PALLD: variants seen among roughly 807,000 people sequenced by gnomAD.
The protein encoded by PALLD is palladin, cytoskeletal associated protein, also known as palladin.
Under a neutral mutation model 123.5 loss-of-function variants are expected in PALLD, and 61 were observed. That is an observed-to-expected ratio of 0.49 (90% CI 0.40 to 0.61). PALLD has a LOEUF of 0.61. Ranked by LOEUF, PALLD falls within the 20% of genes least tolerant of loss-of-function variation. The pLI, the probability that PALLD is intolerant of heterozygous loss-of-function variation, is 0.00. For synonymous variants in PALLD, 465 were observed against 496.4 expected (o/e 0.94, Z 0.84); for missense variants, 1,273 against 1,377.0 (o/e 0.92, Z 1.20).
intron 10 of PALLD, among the ~76,000 whole-genome samples, chr4:168,774,452 G>A (rs1026666246): frequency 5.3e-5 from 8 of 152,184 alleles, no homozygotes; most frequent in Admixed American, 2.6e-4. Flanking sequence ...TACTGGCTGA[G>A]TGCGGTGGCT....
chr4:168,878,239 G>A lies in PALLD; in HGVS notation c.1965-12683G>A, dbSNP rs864622321. On this transcript the variant is annotated intron_variant, in intron 10 of 21. Transcript: ENST00000505667. ...TCCCACTGCCGCCGCCACCACCGCC[G>A]CTCCCGAGCCCGGGACAGGCGTCCC... 1 of 1,496,052 alleles carries A rather than the reference G, an allele frequency of 6.7e-7. No homozygotes were observed. Among genetic ancestry groups the A allele is most frequent in the East Asian group, 2.7e-5 (1 of 37,060 alleles). The allele number at this position is 1,496,052 out of a possible 1,614,324, so 92.7% of individuals were successfully genotyped here.
chr4:168,741,605 G>C (rs1399424262), intron 10 of PALLD, among the ~76,000 whole-genome samples: 1 of 152,124 alleles, frequency 6.6e-6, no homozygotes, highest in African/African-American at 2.4e-5. Flanking sequence ...GATCACTTGA[G>C]TCCAGGAATT....
chr4:168,532,302 C>A (rs9997324), intron 2 of PALLD, among the ~76,000 whole-genome samples: 63,854 of 152,060 alleles, frequency 0.42, 14,566 homozygotes, highest in African/African-American at 0.61. Context: ...ACAGGGAAAT[C>A]AGATCTTCAC....
intron 2 of PALLD, among the ~76,000 whole-genome samples, chr4:168,619,428 A>G (rs537579590): frequency 5.3e-5 from 8 of 152,356 alleles, no homozygotes; most frequent in African/African-American, 1.9e-4. Context: ...TGAAATAGGC[A>G]GCCACTTAGC....
At chr4:168,500,706 G>C (rs1761313203) in intron 1 of PALLD, among the ~76,000 whole-genome samples, 1 of 152,060 alleles carries the variant, frequency 6.6e-6, no homozygotes, top group Non-Finnish European at 1.5e-5. Context: ...TGACAACATA[G>C]AGGATTCTCC....
intron 10 of PALLD, among the ~76,000 whole-genome samples, chr4:168,846,015 A>C (rs1307862411): frequency 6.6e-6 from 1 of 152,204 alleles, no homozygotes; most frequent in Admixed American, 6.5e-5. Flanking sequence ...CTGAGATGGC[A>C]AGTAGCTGTT....
intron 2 of PALLD, among the ~76,000 whole-genome samples, chr4:168,571,289 G>A (rs1768957482): frequency 6.6e-6 from 1 of 152,064 alleles, no homozygotes; most frequent in Non-Finnish European, 1.5e-5. Context: ...GTGTGATTCT[G>A]TGAACTGTAA....
At chr4:168,854,669 G>A (rs1748315858) in intron 10 of PALLD, among the ~76,000 whole-genome samples, 1 of 152,174 alleles carries the variant, frequency 6.6e-6, no homozygotes, top group Non-Finnish European at 1.5e-5. Context: ...GACTGCCTCT[G>A]TACAGGTCAA....
chr4:168,859,006 A>G (rs1465902767), intron 10 of PALLD, among the ~76,000 whole-genome samples: 3 of 152,198 alleles, frequency 2.0e-5, no homozygotes, highest in African/African-American at 7.2e-5. Flanking sequence ...TTGCATTAAG[A>G]CTTTTATTTA....
At chr4:168,922,098 T>TACAC (rs1351389289) in intron 18 of PALLD, among the ~76,000 whole-genome samples, 138 of 107,628 alleles carry the variant, frequency 1.3e-3, no homozygotes, top group Middle Eastern at 5.2e-3. Context: ...TATATATATA[T>TACAC]ATATACACAC....
At chr4:168,617,755 G>A (rs2149788431) in intron 2 of PALLD, among the ~76,000 whole-genome samples, 1 of 152,284 alleles carries the variant, frequency 6.6e-6, no homozygotes, top group South Asian at 2.1e-4. Flanking sequence ...AGGCTTAAAT[G>A]CTATACGTAA....
chr4:168,861,043 T>G (rs901831005), intron 10 of PALLD, among the ~76,000 whole-genome samples: 2 of 152,198 alleles, frequency 1.3e-5, no homozygotes, highest in Non-Finnish European at 2.9e-5. Context: ...AGCTAAAATA[T>G]GAAGTATGGC....
chr4:168,804,313 C>T (rs1165087917), intron 10 of PALLD, among the ~76,000 whole-genome samples: 4 of 152,208 alleles, frequency 2.6e-5, no homozygotes, highest in Non-Finnish European at 4.4e-5. Flanking sequence ...TGGTATAGGC[C>T]AGAAACCAGC....
At chr4:168,804,536 C>A (rs995976351) in intron 10 of PALLD, among the ~76,000 whole-genome samples, 5 of 152,318 alleles carry the variant, frequency 3.3e-5, no homozygotes, top group African/African-American at 7.2e-5. Flanking sequence ...ATGGTGATGA[C>A]AAATTCGGAT....
intron 10 of PALLD, among the ~76,000 whole-genome samples, chr4:168,798,634 ACT>A (rs1249222340): frequency 2.0e-5 from 3 of 152,208 alleles, no homozygotes; most frequent in Non-Finnish European, 4.4e-5. Flanking sequence ...AGAAATAATC[ACT>A]GTTAATTTTA....
intron 10 of PALLD, among the ~76,000 whole-genome samples, chr4:168,837,478 G>A (rs1745362217): frequency 6.6e-6 from 1 of 152,204 alleles, no homozygotes; most frequent in African/African-American, 2.4e-5. Context: ...GTCCAAACCA[G>A]CACCTATCGG....
intron 10 of PALLD, among the ~76,000 whole-genome samples, chr4:168,838,459 C>T (rs1475531400): frequency 6.8e-6 from 1 of 147,796 alleles, no homozygotes. Context: ...GAGCGAGGGT[C>T]GGGGAGGGAG....
intron 2 of PALLD, among the ~76,000 whole-genome samples, chr4:168,600,567 T>C (rs1040255875): frequency 5.3e-5 from 8 of 152,204 alleles, no homozygotes; most frequent in Non-Finnish European, 1.2e-4. Context: ...TCTTGTTTTT[T>C]ATTCCTCTAT....
chr4:168,552,224 A>G (rs1414606619), intron 2 of PALLD, among the ~76,000 whole-genome samples: 3 of 152,090 alleles, frequency 2.0e-5, no homozygotes, highest in African/African-American at 2.4e-5. Flanking sequence ...ACTGCCCCCA[A>G]TGTGAGAGAG....
Sources: gnomAD v4.1 joint callset for allele counts (sites outside exome capture counted in the v4.1 genomes callset) on GRCh38, gnomAD v4.1.1 for gene constraint, MANE v1.5 for transcripts, NCBI Gene and HGNC (gene_info 2026-07-23, HGNC 2026-07-21) for gene names.